The following CA10 variants were observed in gnomAD, a reference collection of about 807,000 sequenced individuals.
CA10 encodes carbonic anhydrase 10 (inactive).
A neutral mutation model predicts 44.2 loss-of-function variants in CA10; 14 were observed. The observed-to-expected ratio is 0.32, with a 90% CI of 0.21 to 0.50. The LOEUF (loss-of-function observed/expected upper bound fraction) is 0.50, where lower values mean the gene tolerates loss of function less well. CA10 is among the 20% of genes least tolerant of loss of function. The pLI, the probability that CA10 is intolerant of heterozygous loss-of-function variation, is 0.99. For missense variants in CA10, 350 were observed against 409.7 expected (o/e 0.85, Z 1.26); for synonymous variants, 159 against 141.6 (o/e 1.12, Z -0.87).
chr17:51,812,127 A>G lies in CA10; in HGVS notation c.280-64309T>C, dbSNP rs113612127. ...CTAAAAGGTTGCTGCAGTCACTAAT[A>G]TGCGGAAGCCCACCTGTACCAGCTC... On this transcript the variant is annotated intron_variant, in intron 3 of 8. Transcript: ENST00000451037. 1.8e-3 allele frequency among the ~76,000 whole-genome samples: 270 copies of G among 152,318 alleles called. 1 individual carries two copies. Among genetic ancestry groups the G allele is most frequent in the African/African-American group, 6.1e-3 (255 of 41,570 alleles).
intron 3 of CA10, among the ~76,000 whole-genome samples, chr17:51,810,908 C>T (rs1907335033): frequency 6.6e-6 from 1 of 152,190 alleles, no homozygotes; most frequent in African/African-American, 2.4e-5. Flanking sequence ...AACAAGATCA[C>T]CCTATAATAA....
At chr17:52,082,031 T>C (rs924310431) in intron 1 of CA10, among the ~76,000 whole-genome samples, 3 of 104,800 alleles carry the variant, frequency 2.9e-5, no homozygotes, top group African/African-American at 1.4e-4. Flanking sequence ...ACATATATTT[T>C]GCTATTACTT....
rs145288034 is a variant in CA10, at chr17:51,944,438, G to A, written c.137-13306C>T. ...AAGAGAGTCTGCAACTTATCATCAC[G>A]TAAGAAACAATAAGCTGCATTTAAA... On this transcript the variant is annotated intron_variant, in intron 2 of 8. Transcript: ENST00000451037. Among the ~76,000 whole-genome samples the A allele has an allele frequency of 1.4e-3, 215 of 152,182 alleles. 1 individual carries two copies. The highest frequency in any genetic ancestry group is 5.0e-3 in the African/African-American group (206 of 41,516).
At chr17:51,928,221 T>A (rs1253233284) in intron 3 of CA10, among the ~76,000 whole-genome samples, 1 of 152,166 alleles carries the variant, frequency 6.6e-6, no homozygotes, top group Non-Finnish European at 1.5e-5. Context: ...TTATATACAA[T>A]ATTTTAAATA....
intron 3 of CA10, among the ~76,000 whole-genome samples, chr17:51,886,974 C>T (rs1980631043): frequency 6.6e-6 from 1 of 152,142 alleles, no homozygotes; most frequent in South Asian, 2.1e-4. Context: ...GCACCCTGCT[C>T]TATTCTCATG....
intron 1 of CA10, among the ~76,000 whole-genome samples, chr17:52,141,136 G>GT (rs1270766777): frequency 6.6e-6 from 1 of 152,140 alleles, no homozygotes; most frequent in Non-Finnish European, 1.5e-5. Flanking sequence ...TGCCATCCCA[G>GT]CACAAACCAT....
intron 4 of CA10, among the ~76,000 whole-genome samples, chr17:51,664,748 T>C (rs1914148261): frequency 6.6e-6 from 1 of 152,092 alleles, no homozygotes; most frequent in Non-Finnish European, 1.5e-5. Flanking sequence ...CAGAGGGCAA[T>C]GTGATTGAAT....
At position 52,158,143 on chromosome 17, in the gene CA10, C is replaced by T; in HGVS notation, c.-357G>A. ...CGGCGGCAGCAGCCACCTGAAGCCA[C>T]CAACACTGGGCTCTTCCAGCAAAAA... On this transcript the variant is annotated 5_prime_UTR_variant, in exon 1 of 9. It adds an upstream start codon to the 5' untranslated region. Coordinates refer to ENST00000451037, the MANE Select transcript of CA10 (RefSeq NM_020178.5). The T allele has an allele frequency of 2.4e-6, 1 of 420,768 alleles. No individual in the cohort carries two copies. The highest frequency in any genetic ancestry group is 4.4e-6 in the Non-Finnish European group (1 of 227,650). 26.1% of individuals were successfully genotyped at this position (420,768 alleles called of 1,614,324 possible). A position where few individuals can be genotyped will look rare whatever the true frequency, so the allele number is the denominator to read the frequency against.
intron 3 of CA10, among the ~76,000 whole-genome samples, chr17:51,895,610 G>A (rs569902132): frequency 6.6e-6 from 1 of 152,192 alleles, no homozygotes; most frequent in East Asian, 1.9e-4. Context: ...TAATGGAATT[G>A]TTAAGTAGGT....
intron 1 of CA10, among the ~76,000 whole-genome samples, chr17:52,128,465 T>C (rs954791604): frequency 2.6e-5 from 4 of 152,158 alleles, no homozygotes; most frequent in African/African-American, 9.7e-5. Flanking sequence ...AATCTGACAA[T>C]GGCCTTCATG....
At chr17:51,784,239 G>A (rs1906173287) in intron 3 of CA10, among the ~76,000 whole-genome samples, 1 of 152,126 alleles carries the variant, frequency 6.6e-6, no homozygotes, top group African/African-American at 2.4e-5. Context: ...CCATGTATGT[G>A]GAGGTGACAT....
At chr17:51,973,196 G>A (rs1984343138) in intron 2 of CA10, among the ~76,000 whole-genome samples, 1 of 152,204 alleles carries the variant, frequency 6.6e-6, no homozygotes, top group Admixed American at 6.5e-5. Flanking sequence ...ACAAGGCTGT[G>A]ATCTGTGAAA....
intron 1 of CA10, among the ~76,000 whole-genome samples, chr17:52,133,221 A>T (rs1359800290): frequency 6.6e-6 from 1 of 152,202 alleles, no homozygotes; most frequent in African/African-American, 2.4e-5. Flanking sequence ...ATCACAGCCC[A>T]TGGTGCAAAC....
At chr17:51,783,268 G>T (rs1906130214) in intron 3 of CA10, among the ~76,000 whole-genome samples, 1 of 152,150 alleles carries the variant, frequency 6.6e-6, no homozygotes. Flanking sequence ...AAGTATGAAA[G>T]CTCATGTTGC....
intron 3 of CA10, among the ~76,000 whole-genome samples, chr17:51,849,233 G>GTATGTATA (rs1555605603): frequency 2.5e-5 from 1 of 39,904 alleles, no homozygotes; most frequent in Non-Finnish European, 5.9e-5. Context: ...ATATGTGTGT[G>GTATGTATA]TATATATATA....
intron 3 of CA10, among the ~76,000 whole-genome samples, chr17:51,751,753 A>G (rs997189517): frequency 1.3e-5 from 2 of 152,214 alleles, no homozygotes; most frequent in Non-Finnish European, 2.9e-5. Flanking sequence ...ATGCAAGATC[A>G]TATTGAAGGC....
chr17:51,947,302 C>T (rs976203486), intron 2 of CA10, among the ~76,000 whole-genome samples: 9 of 150,414 alleles, frequency 6.0e-5, no homozygotes, highest in East Asian at 3.9e-4. Context: ...TGTAAAAGAC[C>T]GGTAGGAGCA....
intron 4 of CA10, among the ~76,000 whole-genome samples, chr17:51,676,790 C>T (rs1344704082): frequency 6.6e-6 from 1 of 152,174 alleles, no homozygotes; most frequent in Non-Finnish European, 1.5e-5. Context: ...GGCAGAGTCA[C>T]CTCGGTTCCA....
intron 2 of CA10, among the ~76,000 whole-genome samples, chr17:51,991,535 C>A (rs973255311): frequency 6.6e-6 from 1 of 152,108 alleles, no homozygotes; most frequent in African/African-American, 2.4e-5. Flanking sequence ...TTAAGCCAAA[C>A]GTGGTGGCTC....
Sources: allele counts gnomAD v4.1 joint callset (sites outside exome capture counted in the v4.1 genomes callset), GRCh38; gene constraint gnomAD v4.1.1; transcripts MANE v1.5; gene names NCBI Gene and HGNC (gene_info 2026-07-23, HGNC 2026-07-21).